The following SEC63 variants were observed in gnomAD, a reference collection of about 807,000 sequenced individuals.
SEC63 encodes SEC63 protein translocation regulator.
A neutral mutation model predicts 116.2 loss-of-function variants in SEC63; 56 were observed. The observed-to-expected ratio is 0.48, with a 90% CI of 0.39 to 0.60. SEC63 has a LOEUF of 0.60. Among genes scored for constraint, SEC63 ranks in the 20% least tolerant of loss-of-function variants. SEC63 has a pLI of 0.00. For missense variants in SEC63, 668 were observed against 900.0 expected, an observed-to-expected ratio of 0.74 and a Z score of 3.30; for synonymous variants, 273 against 294.6, an observed-to-expected ratio of 0.93 and a Z score of 0.75.
intron 16 of SEC63, 99 bp downstream of exon 16, chr6:107,893,383 A>G: frequency 8.2e-7 from 1 of 1,212,654 alleles, no homozygotes; most frequent in South Asian, 1.3e-5. Flanking sequence ...ACGGGTGCAT[A>G]AATTATGTAA....
chr6:107,929,441 G>A lies in SEC63; in HGVS notation c.198C>T (p.Pro66=), dbSNP rs757905954. 1.3e-6 allele frequency: 2 copies of A among 1,588,192 alleles called. No homozygotes were observed. The highest frequency in any genetic ancestry group is 1.1e-5 in the South Asian group (1 of 90,438). Reference sequence around the variant, plus strand: ...TTACTGTAGGAATAATATTTGGCTGGGGTTTTAATAACCGTAAACGATACC... The same window carrying A: ...TTACTGTAGGAATAATATTTGGCTGAGGTTTTAATAACCGTAAACGATACC... The part of the protein sequence containing the change: ...CMWYRLRLLK[P]QPNIIPTVKK... Residue 66 remains proline (P), a synonymous_variant, in exon 2 of 21, where the codon CCC becomes CCT. Coordinates refer to ENST00000369002, the MANE Select transcript of SEC63 (RefSeq NM_007214.5).
chr6:107,919,220 T>C (rs1295341074), intron 4 of SEC63, among the ~76,000 whole-genome samples: 1 of 152,156 alleles, frequency 6.6e-6, no homozygotes, highest in Non-Finnish European at 1.5e-5. Flanking sequence ...CAGAAGTTGA[T>C]TTCAACCTTC....
chr6:107,920,619 C>T (rs1209767339), intron 4 of SEC63, among the ~76,000 whole-genome samples: 6 of 151,990 alleles, frequency 3.9e-5, no homozygotes, highest in Admixed American at 6.6e-5. Context: ...TTTATTTACA[C>T]GTTTAAATTG....
chr6:107,888,491 G>C (rs1040457231), intron 16 of SEC63, among the ~76,000 whole-genome samples: 1 of 152,020 alleles, frequency 6.6e-6, no homozygotes, highest in African/African-American at 2.4e-5. Flanking sequence ...TGAGATTTTG[G>C]GCTGAGACGA....
At chr6:107,889,862 T>A (rs1182851764) in intron 16 of SEC63, among the ~76,000 whole-genome samples, 4 of 152,166 alleles carry the variant, frequency 2.6e-5, no homozygotes, top group Admixed American at 2.0e-4. Flanking sequence ...CAGGAGCAGG[T>A]TGTTCAGTTT....
chr6:107,909,362 G>C (rs115564597), intron 7 of SEC63, among the ~76,000 whole-genome samples: 2 of 150,546 alleles, frequency 1.3e-5, no homozygotes, highest in African/African-American at 2.4e-5. Context: ...AGGTGACAGA[G>C]GGAGACTCTG....
chr6:107,950,442 C>T (rs992873089), intron 1 of SEC63, among the ~76,000 whole-genome samples: 2 of 152,132 alleles, frequency 1.3e-5, no homozygotes, highest in African/African-American at 4.8e-5. Context: ...ATATACAACG[C>T]TCACTACCCT....
intron 18 of SEC63, chr6:107,877,065 G>A (rs11961910): frequency 0.034 from 1,803 of 52,364 alleles, 43 homozygotes; most frequent in African/African-American, 0.33. Flanking sequence ...ATATATATAT[G>A]TGTGTGTATA....
At chr6:107,934,710 C>G (rs1413888637) in intron 1 of SEC63, among the ~76,000 whole-genome samples, 30 of 21,172 alleles carry the variant, frequency 1.4e-3, no homozygotes, top group African/African-American at 3.1e-3. Context: ...CCCCGTCCGG[C>G]AGGGAGGTGG....
chr6:107,907,792 T>TA (rs1456873899), intron 8 of SEC63, among the ~76,000 whole-genome samples: 9 of 152,206 alleles, frequency 5.9e-5, no homozygotes. Flanking sequence ...AATGTTTACT[T>TA]AATAACAACT....
At chr6:107,904,152 C>T (rs1787081478) in intron 11 of SEC63, among the ~76,000 whole-genome samples, 1 of 145,822 alleles carries the variant, frequency 6.9e-6, no homozygotes, top group Admixed American at 6.9e-5. Flanking sequence ...AAATCAAAAA[C>T]ACAGTGACCA....
intron 13 of SEC63, among the ~76,000 whole-genome samples, chr6:107,900,746 A>T (rs6938487): frequency 2.0e-5 from 3 of 152,072 alleles, no homozygotes; most frequent in Admixed American, 6.5e-5. Flanking sequence ...ATAGTAACTT[A>T]GCAAATGTTA....
At chr6:107,920,796 A>C (rs1297643941) in intron 4 of SEC63, among the ~76,000 whole-genome samples, 1 of 152,196 alleles carries the variant, frequency 6.6e-6, no homozygotes, top group Non-Finnish European at 1.5e-5. Flanking sequence ...CACTGCATCT[A>C]ATGTTACACA....
intron 1 of SEC63, among the ~76,000 whole-genome samples, chr6:107,939,071 T>G (rs1185414719): frequency 6.6e-6 from 1 of 151,674 alleles, no homozygotes; most frequent in East Asian, 1.9e-4. Flanking sequence ...TCACTTGAGC[T>G]CAGGGGTGCA....
chr6:107,935,265 C>T (rs1455075864), intron 1 of SEC63, among the ~76,000 whole-genome samples: 3 of 151,532 alleles, frequency 2.0e-5, no homozygotes, highest in South Asian at 2.1e-4. Context: ...CCCCTCTGCC[C>T]GGCCACCACC....
At chr6:107,916,603 T>A (rs1787405714) in intron 4 of SEC63, among the ~76,000 whole-genome samples, 1 of 152,250 alleles carries the variant, frequency 6.6e-6, no homozygotes, top group African/African-American at 2.4e-5. Flanking sequence ...TAACCCTGCA[T>A]CAAGCAATTC....
chr6:107,931,120 GA>G (rs1583765556), intron 1 of SEC63, among the ~76,000 whole-genome samples: 1 of 152,042 alleles, frequency 6.6e-6, no homozygotes, highest in South Asian at 2.1e-4. Flanking sequence ...ACGAGGTCAG[GA>G]ATTCGAGACC....
At chr6:107,925,069 G>C in intron 2 of SEC63, 137 bp from the exon 3 acceptor site, 1 of 687,006 alleles carries the variant, frequency 1.5e-6, no homozygotes, top group Non-Finnish European at 2.7e-6. Flanking sequence ...ACAATCACTG[G>C]GTTACAAACT....
chr6:107,887,157 A>G (rs1786549149), intron 16 of SEC63, among the ~76,000 whole-genome samples: 1 of 151,912 alleles, frequency 6.6e-6, no homozygotes, highest in African/African-American at 2.4e-5. Context: ...GTGGGACTGT[A>G]AACTAGTTCA....
Sources: allele counts gnomAD v4.1 joint callset (sites outside exome capture counted in the v4.1 genomes callset), GRCh38; gene constraint gnomAD v4.1.1; transcripts MANE v1.5; gene names NCBI Gene and HGNC (gene_info 2026-07-23, HGNC 2026-07-21).